The following TGFA variants were observed in gnomAD, a reference collection of about 807,000 sequenced individuals.
TGFA encodes the protein transforming growth factor alpha, also known as protransforming growth factor alpha.
A neutral mutation model predicts 21.7 loss-of-function variants in TGFA; 12 were observed. The observed-to-expected ratio is 0.55, with a 90% CI of 0.35 to 0.90. The LOEUF (loss-of-function observed/expected upper bound fraction) is 0.90, where lower values mean the gene tolerates loss of function less well. Among genes scored for constraint, TGFA ranks in the 40% least tolerant of loss-of-function variants. The pLI, the probability that TGFA is intolerant of heterozygous loss-of-function variation, is 0.01. For synonymous variants in TGFA, 79 were observed against 88.1 expected, an observed-to-expected ratio of 0.90 and a Z score of 0.58; for missense variants, 178 against 210.8, an observed-to-expected ratio of 0.84 and a Z score of 0.96.
intron 2 of TGFA, among the ~76,000 whole-genome samples, chr2:70,491,011 G>A (rs1295975089): frequency 1.3e-5 from 2 of 152,130 alleles, no homozygotes; most frequent in African/African-American, 4.8e-5. Context: ...CACGATATTC[G>A]GTGGGGAATT....
intron 1 of TGFA, among the ~76,000 whole-genome samples, chr2:70,547,812 CTATA>C (rs373697519): frequency 9.5e-5 from 14 of 146,730 alleles, no homozygotes; most frequent in African/African-American, 3.2e-4. Flanking sequence ...TATATACTAT[CTATA>C]TATATACTAT....
intron 3 of TGFA, among the ~76,000 whole-genome samples, chr2:70,464,101 C>G (rs1670481821): frequency 6.6e-6 from 1 of 152,200 alleles, no homozygotes. Flanking sequence ...GCACCTCAGA[C>G]AGAGGAAAGC....
intron 2 of TGFA, among the ~76,000 whole-genome samples, chr2:70,489,134 T>A (rs1169984228): frequency 6.6e-6 from 1 of 152,190 alleles, no homozygotes; most frequent in Admixed American, 6.5e-5. Context: ...CTCAGTTTAC[T>A]CCTCTGTAAA....
chr2:70,533,918 G>T (rs1672895601), intron 1 of TGFA, among the ~76,000 whole-genome samples: 1 of 151,756 alleles, frequency 6.6e-6, no homozygotes, highest in African/African-American at 2.4e-5. Flanking sequence ...CTGTCTCACT[G>T]GTTGTTTTGT....
At chr2:70,490,729 T>C (rs1391599657) in intron 2 of TGFA, among the ~76,000 whole-genome samples, 4 of 152,204 alleles carry the variant, frequency 2.6e-5, no homozygotes, top group Non-Finnish European at 4.4e-5. Context: ...TTTCAACTCA[T>C]AGGTGAGTTA....
At chr2:70,535,657 T>C (rs1473553974) in intron 1 of TGFA, among the ~76,000 whole-genome samples, 1 of 152,202 alleles carries the variant, frequency 6.6e-6, no homozygotes, top group African/African-American at 2.4e-5. Flanking sequence ...AAAAGAAAAA[T>C]GCCCTGCTTT....
At chr2:70,453,901 A>C (rs1410677710) in intron 4 of TGFA, among the ~76,000 whole-genome samples, 2 of 151,804 alleles carry the variant, frequency 1.3e-5, no homozygotes, top group African/African-American at 4.8e-5. Context: ...TGGAACATCT[A>C]CCCTCTCTGT....
In TGFA at chr2:70,449,011, C is replaced by A. The variant is rs1401398812; in HGVS notation, c.*1848G>T. 1 of 152,204 alleles carries A rather than the reference C, an allele frequency of 6.6e-6. No individual in the cohort carries two copies. Among genetic ancestry groups the A allele is most frequent in the Non-Finnish European group, 1.5e-5 (1 of 68,052 alleles). 9.4% of individuals were successfully genotyped at this position (152,204 alleles called of 1,614,324 possible). ...GATGCTACAGTCAAGCCTCAACCCA[C>A]ATATCTGGCCCAAGGGATGTAAACT... On this transcript the variant is annotated 3_prime_UTR_variant, in exon 6 of 6. Coordinates refer to ENST00000295400, the MANE Select transcript of TGFA (RefSeq NM_003236.4).
At chr2:70,527,796 A>G (rs782194569) in intron 1 of TGFA, among the ~76,000 whole-genome samples, 5 of 152,214 alleles carry the variant, frequency 3.3e-5, no homozygotes, top group Non-Finnish European at 7.3e-5. Context: ...GTATTCTATT[A>G]CCAGCTGATG....
chr2:70,536,768 T>C (rs1672980286), intron 1 of TGFA, among the ~76,000 whole-genome samples: 1 of 152,226 alleles, frequency 6.6e-6, no homozygotes, highest in African/African-American at 2.4e-5. Context: ...ATCAATACGC[T>C]AAGCTTCCAC....
chr2:70,512,063 C>G (rs1672120332), intron 2 of TGFA, among the ~76,000 whole-genome samples: 1 of 152,040 alleles, frequency 6.6e-6, no homozygotes, highest in Non-Finnish European at 1.5e-5. Context: ...CTACCAGGGC[C>G]TGAGCAGTCC....
chr2:70,502,848 A>G (rs982842430), intron 2 of TGFA, among the ~76,000 whole-genome samples: 8 of 152,232 alleles, frequency 5.3e-5, no homozygotes, highest in Non-Finnish European at 1.2e-4. Flanking sequence ...CCTGTGTCCT[A>G]TGTAAGCCTC....
intron 5 of TGFA, among the ~76,000 whole-genome samples, chr2:70,451,133 C>T (rs10189245): frequency 0.24 from 35,674 of 150,334 alleles, 4,504 homozygotes; most frequent in East Asian, 0.29. Context: ...TGGGGGGGAG[C>T]GGGGGGATGC....
At chr2:70,483,375 A>G (rs782680839) in intron 2 of TGFA, among the ~76,000 whole-genome samples, 2 of 152,142 alleles carry the variant, frequency 1.3e-5, no homozygotes, top group Admixed American at 6.5e-5. Context: ...AGCAATTTTT[A>G]CATTTGCTGC....
At chr2:70,451,158 G>T (rs1670046174) in intron 5 of TGFA, among the ~76,000 whole-genome samples, 1 of 152,220 alleles carries the variant, frequency 6.6e-6, no homozygotes, top group Non-Finnish European at 1.5e-5. Context: ...TGTTGTGAGG[G>T]TCTCATTTTA....
chr2:70,477,568 C>T (rs116162388), intron 2 of TGFA, among the ~76,000 whole-genome samples: 1,557 of 152,284 alleles, frequency 0.01, 26 homozygotes, highest in African/African-American at 0.036. Context: ...ATTTCCCAGC[C>T]TCCCTTGCAG....
At position 70,450,818 on chromosome 2, in the gene TGFA, T is replaced by C. The variant is rs782182983; in HGVS notation, c.*41A>G. On this transcript the variant is annotated 3_prime_UTR_variant, in exon 6 of 6. Transcript: ENST00000295400. The stretch of plus-strand genomic sequence containing the variant: ...TCCTGAAGAAGCCTTTCTTTATTGA[T>C]CTGCCACAGTCCACCTGGCCAAACT... The C allele has an allele frequency of 6.2e-7, 1 of 1,605,654 alleles. No individual in the cohort carries two copies. Among genetic ancestry groups the C allele is most frequent in the South Asian group, 1.1e-5 (1 of 89,262 alleles).
At chr2:70,463,856 C>A (rs1670472888) in intron 3 of TGFA, among the ~76,000 whole-genome samples, 1 of 152,148 alleles carries the variant, frequency 6.6e-6, no homozygotes, top group African/African-American at 2.4e-5. Flanking sequence ...CCATCAGTCC[C>A]CCAGGGGCCC....
rs1553491947 is a variant in TGFA at position 70,464,946 on chromosome 2, T to TGG, written c.215+668_215+669dup. On this transcript the variant is annotated intron_variant, in intron 3 of 5. Transcript: ENST00000295400. ...CTTCGAGTGAATTTCTTCCCCAACC[T>TGG]GGCTGACTGTGGCAGTCGCTGTGGC... Among the ~76,000 whole-genome samples, 5 of 152,310 alleles carry TGG rather than the reference T, an allele frequency of 3.3e-5. No homozygotes were observed. In the South Asian group the frequency reaches 1.0e-3, roughly 32 times the overall value.
Sources: allele counts gnomAD v4.1 joint callset (sites outside exome capture counted in the v4.1 genomes callset), GRCh38; gene constraint gnomAD v4.1.1; transcripts MANE v1.5; gene names NCBI Gene and HGNC (gene_info 2026-07-23, HGNC 2026-07-21).